Variants in LRRC23 observed in about 807,000 individuals in gnomAD.
LRRC23 encodes leucine-rich repeat-containing protein 23.
Under a neutral mutation model 37.7 loss-of-function variants are expected in LRRC23, and 28 were observed. The ratio of observed to expected loss-of-function variants is 0.74; its 90% CI spans 0.55 to 1.02. The LOEUF is 1.02. Ranked by LOEUF, LRRC23 falls within the 50% of genes least tolerant of loss-of-function variation. The pLI is 0.00. For missense variants in LRRC23, 377 were observed against 413.2 expected, an observed-to-expected ratio of 0.91 and a Z score of 0.76; for synonymous variants, 161 against 165.4, an observed-to-expected ratio of 0.97 and a Z score of 0.20.
In LRRC23 at chr12:6,907,501, G is replaced by A. The variant is rs782561345; in HGVS notation, c.621+56G>A. The A allele has an allele frequency of 1.1e-5, 18 of 1,577,378 alleles. No homozygotes were observed. The Admixed American group carries it at 2.2e-4, about 19-fold the overall frequency. On this transcript the variant is annotated intron_variant, in intron 5 of 7. Transcript: ENST00000443597. ...GAAGAGGGCACTGTCCTGGGGGTCAGGATGCCTGCTTTCTAGTAGGCTCAG... is the reference window on the plus strand; with the variant it reads ...GAAGAGGGCACTGTCCTGGGGGTCAAGATGCCTGCTTTCTAGTAGGCTCAG...
intron 6 of LRRC23, among the ~76,000 whole-genome samples, chr12:6,911,300 G>A (rs1945154392): frequency 6.6e-6 from 1 of 152,188 alleles, no homozygotes; most frequent in African/African-American, 2.4e-5. Flanking sequence ...GTAATGGAAA[G>A]AGCATCTCCA....
At chr12:6,906,324 A>G in intron 3 of LRRC23, 85 bp from the exon 4 acceptor site, 4 of 1,324,358 alleles carry the variant, frequency 3.0e-6, no homozygotes, top group Non-Finnish European at 4.2e-6. Flanking sequence ...CCATCTCCAT[A>G]TTGCCTTCTG....
intron 3 of LRRC23, 133 bp from the exon 4 acceptor site, chr12:6,906,276 C>G (rs1258779016): frequency 1.2e-6 from 1 of 866,136 alleles, no homozygotes; most frequent in Non-Finnish European, 1.8e-6. Flanking sequence ...CCTTCTTCTC[C>G]CCTACCATCT....
chr12:6,909,067 ATATAT>A (rs1945033616), intron 5 of LRRC23, among the ~76,000 whole-genome samples: 1 of 50,568 alleles, frequency 2.0e-5, no homozygotes, highest in Non-Finnish European at 2.9e-5. Context: ...ATATATAAAT[ATATAT>A]TATATATTAT....
At chr12:6,907,609 A>T in intron 5 of LRRC23, 164 bp downstream of exon 5, 1 of 732,246 alleles carries the variant, frequency 1.4e-6, no homozygotes, top group Non-Finnish European at 2.4e-6. Flanking sequence ...ATACACAGCC[A>T]CCTAGCAGGG....
chr12:6,913,932 G>A lies in LRRC23; in HGVS notation c.*66G>A. On this transcript the variant is annotated 3_prime_UTR_variant, in exon 8 of 8. Transcript: ENST00000443597. ...GCCTTCAGACCTGATCAGACTCCCAGGGGCAGCCACCACATGTATGACAGA... is the reference window on the plus strand; with the variant it reads ...GCCTTCAGACCTGATCAGACTCCCAAGGGCAGCCACCACATGTATGACAGA... 6.2e-7 allele frequency: 1 copy of A among 1,611,224 alleles called. No individual in the cohort carries two copies. The highest frequency in any genetic ancestry group is 8.5e-7 in the Non-Finnish European group (1 of 1,178,730).
At position 6,909,140 on chromosome 12, in the gene LRRC23, T is replaced by TATAATATATAATATATA. The variant is rs1284593071; in HGVS notation, c.622-748_622-747insAATATATAATATATAAT. ...ATATAATATATAATATATAATTATA[T>TATAATATATAATATATA]ATTATATATTATATATTATATATAA... On this transcript the variant is annotated intron_variant, in intron 5 of 7. Transcript: ENST00000443597. Among the ~76,000 whole-genome samples, 49 of 15,370 alleles carry TATAATATATAATATATA rather than the reference T, an allele frequency of 3.2e-3. 9 individuals are homozygous for TATAATATATAATATATA. The highest frequency in any genetic ancestry group is 0.031 in the Admixed American group (22 of 712). The allele number at this position is 15,370 out of a possible 152,430, so 10.1% of individuals were successfully genotyped here.
chr12:6,909,481 A>AATATATT (rs1297713066), intron 5 of LRRC23, among the ~76,000 whole-genome samples: 11 of 70,574 alleles, frequency 1.6e-4, no homozygotes, highest in African/African-American at 7.0e-4. Flanking sequence ...TATTTTATAT[A>AATATATT]TTATATAATA....
Position 6,912,934 on chromosome 12 carries a change from G to A in LRRC23, c.963G>A (p.Arg321=). ...CTGAGGCTGATGTGATTCGACAGAGGCTGAAGGAAGAAAAGGAGCAGGAGC... is the reference window on the plus strand; with the variant it reads ...CTGAGGCTGATGTGATTCGACAGAGACTGAAGGAAGAAAAGGAGCAGGAGC... The part of the protein sequence containing the change: ...ERAEADVIRQ[R]LKEEKEQEPE... The change falls in exon 7 of 8, where the codon AGG becomes AGA. Residue 321 remains arginine (R), a synonymous_variant. Coordinates refer to ENST00000443597, the MANE Select transcript of LRRC23 (RefSeq NM_001135217.2). 1 of 1,614,132 alleles carries A rather than the reference G, an allele frequency of 6.2e-7. No homozygotes were observed. Among genetic ancestry groups the A allele is most frequent in the Non-Finnish European group, 8.5e-7 (1 of 1,180,024 alleles).
chr12:6,910,475 G>A (rs955100632), intron 6 of LRRC23, among the ~76,000 whole-genome samples: 1 of 152,156 alleles, frequency 6.6e-6, no homozygotes, highest in Non-Finnish European at 1.5e-5. Flanking sequence ...TTGGGAAGCC[G>A]AAGTGGGCAG....
chr12:6,909,710 A>T (rs1945111576), intron 5 of LRRC23, among the ~76,000 whole-genome samples, 180 bp from the exon 6 acceptor site: 1 of 150,096 alleles, frequency 6.7e-6, no homozygotes, highest in Admixed American at 6.8e-5. Flanking sequence ...TTTCTCTGGG[A>T]TGGCAGCTTC....
At chr12:6,909,450 TAA>T (rs1945099217) in intron 5 of LRRC23, among the ~76,000 whole-genome samples, 1 of 89,892 alleles carries the variant, frequency 1.1e-5, no homozygotes, top group African/African-American at 5.1e-5. Flanking sequence ...TAATAGTATA[TAA>T]TATATAATAT....
intron 5 of LRRC23, among the ~76,000 whole-genome samples, chr12:6,908,596 C>CAAAAAAAAAAAAAAAAA (rs61662814): frequency 6.4e-5 from 2 of 31,088 alleles, no homozygotes; most frequent in East Asian, 2.3e-3. Context: ...GACTCCATCT[C>CAAAAAAAAAAAAAAAAA]AAAAAAAAAA....
At chr12:6,907,165 G>C (rs1944968660) in intron 4 of LRRC23, 150 bp from the exon 5 acceptor site, 3 of 869,324 alleles carry the variant, frequency 3.5e-6, no homozygotes, top group Non-Finnish European at 5.5e-6. Context: ...ACTTGCCTCA[G>C]GGCTCCAGAG....
chr12:6,911,438 T>C (rs1412607055), intron 6 of LRRC23, among the ~76,000 whole-genome samples: 2 of 152,198 alleles, frequency 1.3e-5, no homozygotes, highest in East Asian at 3.9e-4. Context: ...CTGTTAATGA[T>C]CTAGACAGGC....
chr12:6,908,662 C>CAA (rs34377913), intron 5 of LRRC23, among the ~76,000 whole-genome samples: 12 of 104,854 alleles, frequency 1.1e-4, no homozygotes, highest in Middle Eastern at 5.3e-3. Context: ...ACTAAAAATA[C>CAA]AAAAAAAAAA....
intron 1 of LRRC23, 45 bp downstream of exon 1, chr12:6,905,120 A>G (rs1944907835): frequency 6.2e-6 from 1 of 161,300 alleles, no homozygotes; most frequent in Non-Finnish European, 1.4e-5. Context: ...AGGGTTGGAG[A>G]CTGCGCTTTA....
rs1555139629 is a variant in LRRC23 at position 6,906,532 on chromosome 12, T to C, written c.360T>C (p.Ala120=). 6.2e-7 allele frequency: 1 copy of C among 1,614,112 alleles called. No individual in the cohort carries two copies. Among genetic ancestry groups the C allele is most frequent in the Non-Finnish European group, 8.5e-7 (1 of 1,180,050 alleles). ...NYLTHLLWLK[A]DGNRLRSAQM... is the part of the protein sequence containing the mutation. ...TCACCCACCTGCTCTGGCTCAAGGC[T>C]GATGGCAATCGGCTGCGAAGTGCCC... is the stretch of plus-strand genomic sequence containing the variant. The change falls in exon 4 of 8, where the codon GCT becomes GCC. Residue 120 remains alanine, a synonymous_variant. Coordinates refer to ENST00000443597, the MANE Select transcript of LRRC23 (RefSeq NM_001135217.2).
chr12:6,906,445 C>G lies in LRRC23; in HGVS notation c.273C>G (p.Ile91Met). 1 of 1,614,114 alleles carries G rather than the reference C, an allele frequency of 6.2e-7. No homozygotes were observed. The highest frequency in any genetic ancestry group is 8.5e-7 in the Non-Finnish European group (1 of 1,179,998). Residue 91 changes from isoleucine (I) to methionine (M), a missense_variant, in exon 4 of 8, where the codon ATC (isoleucine) becomes ATG (methionine). By Grantham distance (10) the Ile-to-Met change is conservative. This residue lies in a region of LRRC23 where 106 missense variants were observed against 105.9 expected (regional missense o/e 1.00). Transcript: ENST00000443597. ...LTDIYLLRSYIHLRYVDISEN... is the reference protein window; with the variant it reads ...LTDIYLLRSYMHLRYVDISEN... ...ACATCTACTTGCTGCGCTCCTACAT[C>G]CATCTGCGCTATGTGGATATTTCTG... is the stretch of plus-strand genomic sequence containing the variant.
Sources: gnomAD v4.1 joint callset for allele counts (sites outside exome capture counted in the v4.1 genomes callset) on GRCh38, gnomAD v4.1.1 for gene constraint, gnomAD v4.1.1 regional missense constraint, MANE v1.5 for transcripts, NCBI Gene and HGNC (gene_info 2026-07-23, HGNC 2026-07-21) for gene names.